CHST6: variants seen among roughly 807,000 people sequenced by gnomAD.
CHST6 encodes the protein N-acetylglucosamine 6-O-sulfotransferase 5.
For synonymous variants in CHST6, 309 were observed against 276.4 expected, an observed-to-expected ratio of 1.12 and a Z score of -1.17; for missense variants, 698 against 586.2, an observed-to-expected ratio of 1.19 and a Z score of -1.97.
chr16:75,483,144 G>A (rs1381874847), intron 1 of CHST6, among the ~76,000 whole-genome samples: 1 of 152,258 alleles, frequency 6.6e-6, no homozygotes, highest in East Asian at 1.9e-4. Context: ...CTCAAGGCTT[G>A]GAGAGACAGC....
chr16:75,479,063 C>T lies in CHST6; in HGVS notation c.766G>A (p.Ala256Thr), dbSNP rs750187166. ...CRSHVRIAEA[A>T]TLKPPPFLRG... is the part of the protein sequence containing the mutation. ...AGAAAGGGTGGCGGCTTGAGTGTGG[C>T]GGCCTCGGCGATGCGTACGTGGCTA... The change falls in exon 3 of 3, where the codon GCC becomes ACC. Residue 256 changes from alanine to threonine, a missense_variant. Coordinates refer to ENST00000332272, the MANE Select transcript of CHST6 (RefSeq NM_021615.5). The T allele has an allele frequency of 5.6e-6, 9 of 1,606,572 alleles. No homozygotes were observed. The highest frequency in any genetic ancestry group is 5.1e-6 in the Non-Finnish European group (6 of 1,179,478).
Position 75,479,123 on chromosome 16 carries a change from C to T in CHST6, c.706G>A (p.Asp236Asn), listed in dbSNP as rs772677583. 4 of 1,605,644 alleles carry T rather than the reference C, an allele frequency of 2.5e-6. No homozygotes were observed. The highest frequency in any genetic ancestry group is 2.2e-5 in the East Asian group (1 of 44,810). Residue 236 changes from aspartate to asparagine, a missense_variant, in exon 3 of 3, where the codon GAC (aspartate) becomes AAC (asparagine). By Grantham distance (23) the Asp-to-Asn change is conservative. Transcript: ENST00000332272. Reference protein sequence around the residue: ...LGTNGTWVEADPGLRVVREVC... With the variant: ...LGTNGTWVEANPGLRVVREVC... Reference sequence around the variant, plus strand: ...TCGCGCACCACGCGCAGGCCGGGGTCGGCCTCCACCCACGTGCCGTTGGTG... The same window carrying T: ...TCGCGCACCACGCGCAGGCCGGGGTTGGCCTCCACCCACGTGCCGTTGGTG...
Position 75,479,658 on chromosome 16 carries a change from G to C in CHST6, c.171C>G (p.Gly57=). ...CGTCGGGGTGCTGGTTGAAGAGTTG[G>C]CCCACGAAGGACGAGCCCGAGCGCC... is the stretch of plus-strand genomic sequence containing the variant. The part of the protein sequence containing the change: ...SSWRSGSSFV[G]QLFNQHPDVF... Residue 57 remains glycine (G), a synonymous_variant, in exon 3 of 3, where the codon GGC becomes GGG. Coordinates refer to ENST00000332272, the MANE Select transcript of CHST6 (RefSeq NM_021615.5). 3 of 1,612,600 alleles carry C rather than the reference G, an allele frequency of 1.9e-6. No homozygotes were observed. The highest frequency in any genetic ancestry group is 2.5e-6 in the Non-Finnish European group (3 of 1,179,722).
At position 75,478,884 on chromosome 16, in the gene CHST6, G is replaced by A. The variant is rs2080099098; in HGVS notation, c.945C>T (p.Arg315=). ...NITHGSGPGA[R]REAFKTSSRN... ...TGGACGAAGTCTTGAAGGCTTCGCG[G>A]CGCGCACCAGGTCCAGATCCGTGGG... The change falls in exon 3 of 3, where the codon CGC becomes CGT. Residue 315 remains arginine, a synonymous_variant. Coordinates refer to ENST00000332272, the MANE Select transcript of CHST6 (RefSeq NM_021615.5). 6.2e-7 allele frequency: 1 copy of A among 1,613,280 alleles called. No homozygotes were observed.
At chr16:75,487,123 A>G (rs1227938929) in intron 1 of CHST6, among the ~76,000 whole-genome samples, 8 of 152,186 alleles carry the variant, frequency 5.3e-5, no homozygotes, top group Admixed American at 5.2e-4. Flanking sequence ...CAGAGGGAGG[A>G]ATTCCCCAGT....
chr16:75,492,242 G>C (rs2080264293), intron 1 of CHST6, among the ~76,000 whole-genome samples: 1 of 152,240 alleles, frequency 6.6e-6, no homozygotes, highest in South Asian at 2.1e-4. Context: ...CCTTGGCTGG[G>C]AGCTTTAGGG....
chr16:75,493,401 C>G (rs1164891714), intron 1 of CHST6, among the ~76,000 whole-genome samples: 1 of 151,348 alleles, frequency 6.6e-6, no homozygotes, highest in Non-Finnish European at 1.5e-5. Flanking sequence ...CCCAGCTACT[C>G]AGGAATTTGA....
chr16:75,486,834 G>A (rs1273561035), intron 1 of CHST6, among the ~76,000 whole-genome samples: 1 of 152,200 alleles, frequency 6.6e-6, no homozygotes, highest in African/African-American at 2.4e-5. Flanking sequence ...CCTTGGTGGG[G>A]TGAGGTGGGA....
intron 1 of CHST6, among the ~76,000 whole-genome samples, chr16:75,494,301 G>C (rs569129758): frequency 6.6e-6 from 1 of 152,166 alleles, no homozygotes; most frequent in East Asian, 1.9e-4. Context: ...TCAGGCTGGA[G>C]AGGAGCCCAG....
intron 1 of CHST6, among the ~76,000 whole-genome samples, chr16:75,490,253 T>TGGATCACCTG (rs1245261931): frequency 7.0e-6 from 1 of 142,630 alleles, no homozygotes; most frequent in Non-Finnish European, 1.5e-5. Flanking sequence ...CCAAGGCTGG[T>TGGATCACCTG]GGATCACCTG....
chr16:75,479,044 G>C lies in CHST6; in HGVS notation c.785C>G (p.Pro262Arg). ...CAGGCGGTAGCGGCCGCGCAGAAAG[G>C]GTGGCGGCTTGAGTGTGGCGGCCTC... ...IAEAATLKPP[P>R]FLRGRYRLVR... Residue 262 changes from proline (P) to arginine (R), a missense_variant, in exon 3 of 3, where the codon CCC becomes CGC. Pro to Arg is a moderately radical substitution (Grantham distance 103, BLOSUM62 -2). Coordinates refer to ENST00000332272, the MANE Select transcript of CHST6 (RefSeq NM_021615.5). 1 of 1,608,838 alleles carries C rather than the reference G, an allele frequency of 6.2e-7. No individual in the cohort carries two copies. Among genetic ancestry groups the C allele is most frequent in the Non-Finnish European group, 8.5e-7 (1 of 1,179,724 alleles).
rs751850095 is a variant in CHST6, at chr16:75,472,336, A to AAAC, written c.*6302_*6304dup. 6.6e-6 allele frequency: 1 copy of AAAC among 152,224 alleles called. No homozygotes were observed. Among genetic ancestry groups the AAAC allele is most frequent in the South Asian group, 2.1e-4 (1 of 4,834 alleles). The allele number at this position is 152,224 out of a possible 1,614,324, so 9.4% of individuals were successfully genotyped here. A position where few individuals can be genotyped will look rare whatever the true frequency, so the allele number is the denominator to read the frequency against. ...GAAAATGCCATAAAGTAAGTTAACAAAACAACAACAACAAAAAACAGATGA... is the reference window on the plus strand; with the variant it reads ...GAAAATGCCATAAAGTAAGTTAACAAAACAACAACAACAACAAAAAACAGATGA... On this transcript the variant is annotated 3_prime_UTR_variant, in exon 3 of 3. Coordinates refer to ENST00000332272, the MANE Select transcript of CHST6 (RefSeq NM_021615.5).
At chr16:75,488,667 CAAAACATAAAGCAGGGAACAT>C (rs1453855193) in intron 1 of CHST6, among the ~76,000 whole-genome samples, 1 of 151,824 alleles carries the variant, frequency 6.6e-6, no homozygotes, top group Non-Finnish European at 1.5e-5. Flanking sequence ...GAAAATGAGA[CAAAACATAAAGCAGGGAACAT>C]AAAACATAAA....
At chr16:75,484,703 G>A (rs1430050808) in intron 1 of CHST6, among the ~76,000 whole-genome samples, 1 of 152,082 alleles carries the variant, frequency 6.6e-6, no homozygotes, top group Non-Finnish European at 1.5e-5. Context: ...AATTAGCCGG[G>A]TGTGGTGGTG....
intron 1 of CHST6, among the ~76,000 whole-genome samples, chr16:75,491,204 T>TATATATAC (rs1287119057): frequency 8.1e-6 from 1 of 123,240 alleles, no homozygotes; most frequent in Admixed American, 8.9e-5. Flanking sequence ...TATATATATA[T>TATATATAC]ATATATATAT....
At chr16:75,480,489 C>G (rs996676919) in intron 2 of CHST6, among the ~76,000 whole-genome samples, 1 of 151,904 alleles carries the variant, frequency 6.6e-6, no homozygotes, top group Non-Finnish European at 1.5e-5. Flanking sequence ...GTTTGAATAT[C>G]CTGGATGGAC....
At chr16:75,492,776 G>A (rs2080270269) in intron 1 of CHST6, among the ~76,000 whole-genome samples, 1 of 152,124 alleles carries the variant, frequency 6.6e-6, no homozygotes, top group South Asian at 2.1e-4. Context: ...CTGGAGCCAG[G>A]AGTCCGAAGC....
At position 75,472,054 on chromosome 16, in the gene CHST6, G is replaced by C. The variant is rs2080027742; in HGVS notation, c.*6587C>G. ...TAGACTACTAAAGTACTGGAAGCAA[G>C]CGTGAAGACCATTTTTATCACTGTA... On this transcript the variant is annotated 3_prime_UTR_variant, in exon 3 of 3. Coordinates refer to ENST00000332272, the MANE Select transcript of CHST6 (RefSeq NM_021615.5). 6.6e-6 allele frequency: 1 copy of C among 152,216 alleles called. No individual in the cohort carries two copies. The highest frequency in any genetic ancestry group is 2.4e-5 in the African/African-American group (1 of 41,458). The allele number at this position is 152,216 out of a possible 1,614,324, so 9.4% of individuals were successfully genotyped here. A position where few individuals can be genotyped will look rare whatever the true frequency, so the allele number is the denominator to read the frequency against.
chr16:75,491,190 A>AAAAATATATATAT (rs1206595857), intron 1 of CHST6, among the ~76,000 whole-genome samples: 56 of 50,032 alleles, frequency 1.1e-3, no homozygotes, highest in South Asian at 2.2e-3. Flanking sequence ...AAAAAAAAAA[A>AAAAATATATATAT]ATATATATAT....
Sources: allele counts gnomAD v4.1 joint callset (sites outside exome capture counted in the v4.1 genomes callset), GRCh38; gene constraint gnomAD v4.1.1; transcripts MANE v1.5; gene names NCBI Gene and HGNC (gene_info 2026-07-23, HGNC 2026-07-21).